Variants in FGL1 observed in about 807,000 individuals in gnomAD.
FGL1 encodes fibrinogen-like protein 1.
FGL1 carries 59 observed loss-of-function variants against 43.7 expected under a neutral mutation model. The observed-to-expected ratio is 1.35, with a 90% CI of 1.10 to 1.68. The LOEUF (loss-of-function observed/expected upper bound fraction) is 1.68. FGL1 is among the 40% of genes most tolerant of loss of function. The probability of loss-of-function intolerance (pLI) is 0.00; values close to 1 mark genes in which losing one functional copy is unlikely to be tolerated. For missense variants in FGL1, 596 were observed against 373.0 expected (o/e 1.60, Z -4.92); for synonymous variants, 192 against 126.5 (o/e 1.52, Z -3.48).
rs1187936926 is a variant in FGL1, at chr8:17,893,763, G to T, written c.-18+1684C>A. On this transcript the variant is annotated intron_variant, in intron 1 of 7. Transcript: ENST00000427924. ...AACCAACATTCTCTGTAATATTGAA[G>T]AAATGCTAAGCATTAAGAAACTTGC... is the stretch of plus-strand genomic sequence containing the variant. Among the ~76,000 whole-genome samples the T allele has an allele frequency of 1.4e-5, 2 of 146,908 alleles. 1 individual carries two copies. Among genetic ancestry groups the T allele is most frequent in the African/African-American group, 5.4e-5 (2 of 37,356 alleles).
intron 1 of FGL1, among the ~76,000 whole-genome samples, chr8:17,893,028 G>C (rs750921867): frequency 1.3e-5 from 2 of 152,010 alleles, no homozygotes; most frequent in South Asian, 4.1e-4. Context: ...GCAAAACCCC[G>C]TCCCTACTAA....
chr8:17,864,663 C>T lies in FGL1; in HGVS notation c.868G>A (p.Gly290Arg). Residue 290 changes from glycine (G) to arginine (R), a missense_variant, in exon 8 of 8, where the codon GGG becomes AGG. Coordinates refer to ENST00000427924, the MANE Select transcript of FGL1 (RefSeq NM_004467.4). ...ACAGATTTCAGAGAATACCACCACC[C>T]ATGCCAGGTGTACCAGACAATCCCA... ...DNGIVWYTWH[G>R]WWYSLKSVVM... 1 of 1,613,842 alleles carries T rather than the reference C, an allele frequency of 6.2e-7. No individual in the cohort carries two copies. Among genetic ancestry groups the T allele is most frequent in the Non-Finnish European group, 8.5e-7 (1 of 1,179,946 alleles).
intron 3 of FGL1, among the ~76,000 whole-genome samples, chr8:17,878,535 C>T (rs2517310): frequency 0.73 from 110,636 of 151,956 alleles, 40,783 homozygotes; most frequent in Non-Finnish European, 0.79. Flanking sequence ...GCGGTGGTGA[C>T]GCCAGATTTT....
At chr8:17,867,534 T>A (rs1195981465) in intron 7 of FGL1, among the ~76,000 whole-genome samples, 1 of 152,254 alleles carries the variant, frequency 6.6e-6, no homozygotes, top group Non-Finnish European at 1.5e-5. Context: ...AATAAAAGAT[T>A]ATGATTATAT....
At chr8:17,874,552 A>G (rs2053416291) in intron 3 of FGL1, 31 bp from the exon 4 acceptor site, 1 of 1,576,186 alleles carries the variant, frequency 6.3e-7, no homozygotes, top group East Asian at 2.3e-5. Flanking sequence ...TGTAACATTC[A>G]TTATGTGTCT....
intron 7 of FGL1, among the ~76,000 whole-genome samples, chr8:17,866,684 C>T (rs1031382569): frequency 3.3e-5 from 5 of 152,132 alleles, no homozygotes; most frequent in African/African-American, 1.2e-4. Context: ...TTCCTTTGCC[C>T]ACATTAATAT....
At chr8:17,872,995 T>G (rs1375093517) in intron 5 of FGL1, among the ~76,000 whole-genome samples, 1 of 152,214 alleles carries the variant, frequency 6.6e-6, no homozygotes, top group Non-Finnish European at 1.5e-5. Context: ...GGTGGTAGGT[T>G]GAAACTTCTT....
Position 17,874,019 on chromosome 8 carries a change from C to G in FGL1, c.502G>C (p.Glu168Gln), listed in dbSNP as rs749584044. Residue 168 changes from glutamate to glutamine, a missense_variant and splice_region_variant, in exon 5 of 8, where the codon GAA (glutamate) becomes CAA (glutamine). Physicochemically the swap from Glu to Gln is conservative, Grantham distance 29. Coordinates refer to ENST00000427924, the MANE Select transcript of FGL1 (RefSeq NM_004467.4). ...AAATCTGACATCATTCAAACCTTACCTTGAGTGGTCAAGAAGTGAAGATTT... is the reference window on the plus strand; with the variant it reads ...AAATCTGACATCATTCAAACCTTACGTTGAGTGGTCAAGAAGTGAAGATTT... ...NKNLHFLTTQEDYTLKIDLAD... is the reference protein window; with the variant it reads ...NKNLHFLTTQQDYTLKIDLAD... 1 of 1,593,814 alleles carries G rather than the reference C, an allele frequency of 6.3e-7. No homozygotes were observed. The highest frequency in any genetic ancestry group is 8.5e-7 in the Non-Finnish European group (1 of 1,172,806).
chr8:17,875,539 T>TCTC (rs1563452393), intron 3 of FGL1, among the ~76,000 whole-genome samples: 4 of 14,656 alleles, frequency 2.7e-4, no homozygotes, highest in African/African-American at 7.8e-4. Context: ...TTCTTTCTCT[T>TCTC]TCTTTCTTTC....
intron 3 of FGL1, among the ~76,000 whole-genome samples, chr8:17,878,317 A>T (rs1585138014): frequency 2.0e-5 from 3 of 152,294 alleles, no homozygotes; most frequent in South Asian, 4.1e-4. Flanking sequence ...TCTTATTCTC[A>T]TTCTTCAGAT....
At chr8:17,868,442 T>C (rs536372206) in intron 7 of FGL1, 106 bp downstream of exon 7, 1,014 of 827,814 alleles carry the variant, frequency 1.2e-3, no homozygotes, top group Non-Finnish European at 1.5e-3. Flanking sequence ...ATAATACTAA[T>C]ATTATAAATA....
At chr8:17,880,762 C>T (rs550442771) in intron 3 of FGL1, among the ~76,000 whole-genome samples, 16 of 152,278 alleles carry the variant, frequency 1.1e-4, no homozygotes, top group Admixed American at 9.2e-4. Context: ...TTCTGACAAT[C>T]GTCGTTTACT....
At chr8:17,867,062 G>C (rs1256874125) in intron 7 of FGL1, among the ~76,000 whole-genome samples, 1 of 152,088 alleles carries the variant, frequency 6.6e-6, no homozygotes, top group Non-Finnish European at 1.5e-5. Context: ...ATCTTAAATG[G>C]ACTCAAATGT....
chr8:17,874,438 C>T lies in FGL1; in HGVS notation c.328G>A (p.Val110Ile). 1 of 1,614,090 alleles carries T rather than the reference C, an allele frequency of 6.2e-7. No individual in the cohort carries two copies. The change falls in exon 4 of 8, where the codon GTT becomes ATT. Residue 110 changes from valine (V) to isoleucine (I), a missense_variant. Val to Ile is a conservative substitution (Grantham distance 29). Coordinates refer to ENST00000427924, the MANE Select transcript of FGL1 (RefSeq NM_004467.4). ...KPLQSPAEFS[V>I]YCDMSDGGGW... Reference sequence around the variant, plus strand: ...CCTCCATCGGACATGTCACAATAAACAGAAAATTCTGCTGGGCTCTGGAGA... The same window carrying T: ...CCTCCATCGGACATGTCACAATAAATAGAAAATTCTGCTGGGCTCTGGAGA...
At chr8:17,881,839 A>AC (rs2053540902) in intron 3 of FGL1, among the ~76,000 whole-genome samples, 160 bp downstream of exon 3, 1 of 151,912 alleles carries the variant, frequency 6.6e-6, no homozygotes, top group African/African-American at 2.4e-5. Flanking sequence ...GCCTCAAAAA[A>AC]AAAAAAAAAA....
At chr8:17,890,522 A>T (rs1193501893) in intron 1 of FGL1, among the ~76,000 whole-genome samples, 1 of 152,138 alleles carries the variant, frequency 6.6e-6, no homozygotes, top group African/African-American at 2.4e-5. Flanking sequence ...GGTTTGCTCC[A>T]TGACATCCTT....
chr8:17,885,574 G>A lies in FGL1; in HGVS notation c.-17-3C>T. 1.9e-6 allele frequency: 3 copies of A among 1,611,812 alleles called. No homozygotes were observed. The highest frequency in any genetic ancestry group is 2.5e-6 in the Non-Finnish European group (3 of 1,178,844). ...TGCCATGTTCCCCCTTGAAAAAACT[G>A]CAAGAACAAAAAGAATTTTATAAAT... On this transcript the variant is annotated splice_region_variant and splice_polypyrimidine_tract_variant and intron_variant, in intron 1 of 7. Coordinates refer to ENST00000427924, the MANE Select transcript of FGL1 (RefSeq NM_004467.4).
chr8:17,885,602 A>G (rs1185811231), intron 1 of FGL1, 31 bp from the exon 2 acceptor site: 8 of 1,591,586 alleles, frequency 5.0e-6, no homozygotes, highest in South Asian at 1.1e-5. Context: ...TTATAAATGT[A>G]TCAACCTTGA....
intron 2 of FGL1, 145 bp downstream of exon 2, chr8:17,885,347 C>T: frequency 1.5e-6 from 1 of 661,760 alleles, no homozygotes. Context: ...TACTATGTGT[C>T]CAGTATTTCT....
Sources: allele counts gnomAD v4.1 joint callset (sites outside exome capture counted in the v4.1 genomes callset), GRCh38; gene constraint gnomAD v4.1.1; transcripts MANE v1.5; gene names NCBI Gene and HGNC (gene_info 2026-07-23, HGNC 2026-07-21).